The following CNOT2 variants were observed in gnomAD, a reference collection of about 807,000 sequenced individuals.
CNOT2 encodes the protein CCR4-NOT transcription complex subunit 2.
CNOT2 carries 7 observed loss-of-function variants against 72.1 expected under a neutral mutation model. The ratio of observed to expected loss-of-function variants is 0.10; its 90% CI spans 0.06 to 0.18. CNOT2 has a LOEUF of 0.18. Among genes scored for constraint, CNOT2 ranks in the 10% least tolerant of loss-of-function variants. CNOT2 has a pLI of 1.00. For synonymous variants in CNOT2, 196 were observed against 225.6 expected, an observed-to-expected ratio of 0.87 and a Z score of 1.17; for missense variants, 345 against 660.3, an observed-to-expected ratio of 0.52 and a Z score of 5.23.
At chr12:70,291,353 C>T (rs552547113) in intron 2 of CNOT2, among the ~76,000 whole-genome samples, 1 of 151,946 alleles carries the variant, frequency 6.6e-6, no homozygotes, top group African/African-American at 2.4e-5. Context: ...AAGGAAAGAC[C>T]CTTATTAGGG....
rs1325233265 is a variant in CNOT2 at position 70,329,544 on chromosome 12, A to G, written c.360A>G (p.Ser120=). 1.2e-6 allele frequency: 2 copies of G among 1,610,944 alleles called. No individual in the cohort carries two copies. Among genetic ancestry groups the G allele is most frequent in the Non-Finnish European group, 1.7e-6 (2 of 1,177,576 alleles). The change falls in exon 5 of 16, where the codon TCA becomes TCG. Residue 120 remains serine, a synonymous_variant. Coordinates refer to ENST00000229195, the MANE Select transcript of CNOT2 (RefSeq NM_014515.7). ...VTPTTGVPTM[S]LHTPPSPSRG... is the part of the protein sequence containing the mutation. ...CAACAACAGGGGTACCAACAATGTC[A>G]CTTCACACGCCTCCATCTCCAAGCA...
chr12:70,259,511 C>G (rs1317968119), intron 1 of CNOT2, among the ~76,000 whole-genome samples: 1 of 152,118 alleles, frequency 6.6e-6, no homozygotes, highest in Non-Finnish European at 1.5e-5. Context: ...TCACTGATTC[C>G]ATGGAGACCC....
At chr12:70,348,495 T>C (rs113502936) in intron 15 of CNOT2, among the ~76,000 whole-genome samples, 19 of 152,268 alleles carry the variant, frequency 1.2e-4, no homozygotes, top group African/African-American at 4.6e-4. Flanking sequence ...AAAACATCTT[T>C]GGAAGAAGAA....
intron 1 of CNOT2, among the ~76,000 whole-genome samples, chr12:70,277,082 A>T (rs951910874): frequency 2.9e-4 from 44 of 152,178 alleles, no homozygotes; most frequent in African/African-American, 1.0e-3. Flanking sequence ...TATAGATTAG[A>T]TGTTATCTCC....
At chr12:70,245,722 T>C (rs974771660) in intron 1 of CNOT2, among the ~76,000 whole-genome samples, 1 of 152,152 alleles carries the variant, frequency 6.6e-6, no homozygotes, top group African/African-American at 2.4e-5. Context: ...TATCTTCTGA[T>C]GCTGGGCAAA....
At chr12:70,311,070 G>A in intron 3 of CNOT2, 53 bp downstream of exon 3, 3 of 1,409,446 alleles carry the variant, frequency 2.1e-6, no homozygotes, top group Non-Finnish European at 3.0e-6. Flanking sequence ...CTGTGTCTGG[G>A]TTCCTGAAAA....
At chr12:70,349,052 G>A (rs1438911472) in intron 15 of CNOT2, among the ~76,000 whole-genome samples, 1 of 151,994 alleles carries the variant, frequency 6.6e-6, no homozygotes, top group African/African-American at 2.4e-5. Flanking sequence ...TATTTTCATA[G>A]TAATGAAAAC....
chr12:70,333,234 T>C (rs1168746424), intron 7 of CNOT2, among the ~76,000 whole-genome samples: 1 of 151,932 alleles, frequency 6.6e-6, no homozygotes, highest in Admixed American at 6.6e-5. Context: ...GCTATGGAGA[T>C]CCAGATTGAA....
At chr12:70,267,078 T>G (rs958763531) in intron 1 of CNOT2, among the ~76,000 whole-genome samples, 2 of 152,186 alleles carry the variant, frequency 1.3e-5, no homozygotes, top group Non-Finnish European at 2.9e-5. Context: ...TTTGTGTATT[T>G]TTTTTTAGAG....
chr12:70,272,970 C>G (rs1041031315), intron 1 of CNOT2, among the ~76,000 whole-genome samples: 2 of 152,072 alleles, frequency 1.3e-5, no homozygotes, highest in African/African-American at 4.8e-5. Context: ...ATCTTTGTGC[C>G]TATCTAAGGC....
intron 4 of CNOT2, among the ~76,000 whole-genome samples, chr12:70,327,238 G>A (rs1294351491): frequency 6.6e-6 from 1 of 151,680 alleles, no homozygotes; most frequent in Non-Finnish European, 1.5e-5. Context: ...AGAACAAGAA[G>A]AAAGAAAACT....
intron 2 of CNOT2, among the ~76,000 whole-genome samples, chr12:70,303,769 G>A (rs757347814): frequency 2.8e-4 from 42 of 152,158 alleles, no homozygotes; most frequent in South Asian, 2.1e-4. Flanking sequence ...GGCCTGCCTT[G>A]CCAGACTGGG....
chr12:70,244,731 A>G (rs1957796161), intron 1 of CNOT2, among the ~76,000 whole-genome samples: 1 of 152,240 alleles, frequency 6.6e-6, no homozygotes, highest in Admixed American at 6.5e-5. Context: ...ATTCCTCATA[A>G]TTAAGTACAC....
chr12:70,290,684 C>G (rs1871735894), intron 2 of CNOT2: 1 of 151,990 alleles, frequency 6.6e-6, no homozygotes, highest in African/African-American at 2.4e-5. Context: ...CTTAATGTTT[C>G]ATTTTTTAAA....
intron 2 of CNOT2, among the ~76,000 whole-genome samples, chr12:70,280,434 A>C (rs904539544): frequency 6.6e-6 from 1 of 152,162 alleles, no homozygotes; most frequent in Admixed American, 6.5e-5. Flanking sequence ...ATTGATGAAA[A>C]TGATTTTGGA....
At chr12:70,270,941 G>C (rs1333601905) in intron 1 of CNOT2, among the ~76,000 whole-genome samples, 5 of 152,204 alleles carry the variant, frequency 3.3e-5, no homozygotes. Context: ...TTTACAAATT[G>C]CTAAAGGATT....
At chr12:70,316,357 G>T (rs1877331709) in intron 3 of CNOT2, among the ~76,000 whole-genome samples, 1 of 151,948 alleles carries the variant, frequency 6.6e-6, no homozygotes, top group Non-Finnish European at 1.5e-5. Flanking sequence ...TATTTCTTGT[G>T]CATTTTCTAT....
At chr12:70,267,472 G>T (rs1190273262) in intron 1 of CNOT2, among the ~76,000 whole-genome samples, 2 of 152,186 alleles carry the variant, frequency 1.3e-5, no homozygotes, top group Non-Finnish European at 2.9e-5. Flanking sequence ...CATAAATCCA[G>T]TATGACTTCC....
Position 70,257,238 on chromosome 12 carries a change from C to T in CNOT2, c.-96+13758C>T, listed in dbSNP as rs1958499231. On this transcript the variant is annotated intron_variant, in intron 1 of 15. Coordinates refer to ENST00000229195, the MANE Select transcript of CNOT2 (RefSeq NM_014515.7). ...AGCCTTAGTATTCTCTCTGTAAGAA[C>T]AGGTATAATATACTTAACTCAGAGG... is the stretch of plus-strand genomic sequence containing the variant. 2.0e-5 allele frequency among the ~76,000 whole-genome samples: 3 copies of T among 151,638 alleles called. No individual in the cohort carries two copies. The South Asian group carries it at 6.2e-4, about 32-fold the overall frequency.
Sources: allele counts gnomAD v4.1 joint callset (sites outside exome capture counted in the v4.1 genomes callset), GRCh38; gene constraint gnomAD v4.1.1; transcripts MANE v1.5; gene names NCBI Gene and HGNC (gene_info 2026-07-23, HGNC 2026-07-21).